The following KAZN variants were observed in gnomAD, a reference collection of about 807,000 sequenced individuals.
KAZN encodes the protein kazrin, periplakin interacting protein, also known as kazrin.
Under a neutral mutation model 87.4 loss-of-function variants are expected in KAZN, and 40 were observed. The observed-to-expected ratio is 0.46, with a 90% CI of 0.36 to 0.60. The LOEUF (loss-of-function observed/expected upper bound fraction) is 0.60. Ranked by LOEUF, KAZN falls within the 20% of genes least tolerant of loss-of-function variation. The pLI, the probability that KAZN is intolerant of heterozygous loss-of-function variation, is 0.00. For missense variants in KAZN, 898 were observed against 1,073.9 expected, an observed-to-expected ratio of 0.84 and a Z score of 2.29; for synonymous variants, 466 against 458.3, an observed-to-expected ratio of 1.02 and a Z score of -0.22.
In KAZN at chr1:14,615,962, T is replaced by G. The variant is rs568024096; in HGVS notation, c.226+16739T>G. On this transcript the variant is annotated intron_variant, in intron 1 of 14. Transcript: ENST00000376030. ...TTGGGGAGTGTGGTCTCACCTGGCTTGAGCAGAGGTGATGTCAGCCTCCCA... is the reference window on the plus strand; with the variant it reads ...TTGGGGAGTGTGGTCTCACCTGGCTGGAGCAGAGGTGATGTCAGCCTCCCA... 2.0e-5 allele frequency among the ~76,000 whole-genome samples: 3 copies of G among 152,342 alleles called. No individual in the cohort carries two copies. In the East Asian group the frequency reaches 5.8e-4, roughly 29 times the overall value.
chr1:14,285,549 G>T (rs1653179700), intron 2 of KAZN, among the ~76,000 whole-genome samples: 1 of 152,186 alleles, frequency 6.6e-6, no homozygotes. Flanking sequence ...TGCAACAGTT[G>T]TGTATTTCCT....
In KAZN at chr1:14,237,823, A is replaced by G. The variant is rs1648566860; in HGVS notation, c.249+57231A>G. Among the ~76,000 whole-genome samples the G allele has an allele frequency of 2.6e-5, 4 of 152,236 alleles. No homozygotes were observed. The South Asian group carries it at 8.3e-4, about 32-fold the overall frequency. ...TCATGACAGTAAGAACAGAAACGAC[A>G]AGGTCCAAGAAGCCCACATGGGAAT... On this transcript the variant is annotated intron_variant, in intron 2 of 16. Coordinates refer to the KAZN transcript ENST00000636203.
At chr1:14,860,273 C>A (rs1419124450) in intron 1 of KAZN, among the ~76,000 whole-genome samples, 3 of 152,054 alleles carry the variant, frequency 2.0e-5, no homozygotes, top group Non-Finnish European at 4.4e-5. Flanking sequence ...TTCACTGCAA[C>A]CTCCACCTCC....
chr1:14,418,594 T>TAGA (rs1665038345), intron 2 of KAZN, among the ~76,000 whole-genome samples: 1 of 152,210 alleles, frequency 6.6e-6, no homozygotes, highest in East Asian at 1.9e-4. Context: ...TGAGTTTGCC[T>TAGA]CTAGATAGCA....
rs559441629 is a variant in KAZN at position 14,981,251 on chromosome 1, T to C, written c.418+20376T>C. Reference sequence around the variant, plus strand: ...CTTAGTGGGGTTTCTCGCTTTTTGCTGTCTCTGTTCCTAAAACGGATTTTT... The same window carrying C: ...CTTAGTGGGGTTTCTCGCTTTTTGCCGTCTCTGTTCCTAAAACGGATTTTT... On this transcript the variant is annotated intron_variant, in intron 2 of 14. Transcript: ENST00000376030. 1.5e-3 allele frequency among the ~76,000 whole-genome samples: 222 copies of C among 152,374 alleles called. 1 individual carries two copies. Among genetic ancestry groups the C allele is most frequent in the African/African-American group, 5.2e-3 (217 of 41,596 alleles).
chr1:14,049,209 G>T (rs964837756), intron 1 of KAZN, among the ~76,000 whole-genome samples: 9 of 151,928 alleles, frequency 5.9e-5, no homozygotes, highest in Non-Finnish European at 7.4e-5. Context: ...GCAAACTATT[G>T]CAAGGACAAA....
intron 2 of KAZN, among the ~76,000 whole-genome samples, chr1:14,410,106 T>C (rs1247489196): frequency 6.6e-6 from 1 of 152,144 alleles, no homozygotes; most frequent in Non-Finnish European, 1.5e-5. Flanking sequence ...AAAAGTCCAA[T>C]TTATTTATTT....
intron 2 of KAZN, among the ~76,000 whole-genome samples, chr1:14,562,016 G>A (rs763040962): frequency 2.6e-5 from 4 of 152,102 alleles, no homozygotes; most frequent in African/African-American, 7.2e-5. Flanking sequence ...TGGGAGACCC[G>A]TTTGCCTCCC....
At chr1:14,669,174 C>T (rs993134060) in intron 1 of KAZN, among the ~76,000 whole-genome samples, 1 of 152,192 alleles carries the variant, frequency 6.6e-6, no homozygotes, top group African/African-American at 2.4e-5. Context: ...TCCACCCCAA[C>T]TTGGGAAGCC....
At chr1:14,334,976 T>C (rs1235979755) in intron 2 of KAZN, among the ~76,000 whole-genome samples, 4 of 151,984 alleles carry the variant, frequency 2.6e-5, no homozygotes, top group Non-Finnish European at 5.9e-5. Flanking sequence ...CAGATAGATA[T>C]AGGCAGACAC....
chr1:14,142,986 T>C (rs560279360), intron 1 of KAZN, among the ~76,000 whole-genome samples: 10 of 152,130 alleles, frequency 6.6e-5, no homozygotes, highest in East Asian at 1.9e-4. Flanking sequence ...ACCTGTCTAA[T>C]TGAGGCCAGC....
chr1:14,239,777 T>G (rs768110338), intron 2 of KAZN, among the ~76,000 whole-genome samples: 1 of 152,114 alleles, frequency 6.6e-6, no homozygotes. Flanking sequence ...GTTCTATAGA[T>G]CATTCATTTT....
At chr1:14,512,313 G>A (rs1670948408) in intron 2 of KAZN, among the ~76,000 whole-genome samples, 1 of 152,146 alleles carries the variant, frequency 6.6e-6, no homozygotes, top group African/African-American at 2.4e-5. Flanking sequence ...TTTGGGGCTG[G>A]ATCATTCTTT....
intron 2 of KAZN, among the ~76,000 whole-genome samples, chr1:14,484,921 T>C (rs1010640428): frequency 6.6e-6 from 1 of 152,188 alleles, no homozygotes; most frequent in Non-Finnish European, 1.5e-5. Context: ...TCTGCTCTCA[T>C]AGCCTCGGCC....
chr1:14,058,128 C>G (rs370143476), intron 1 of KAZN, among the ~76,000 whole-genome samples: 2 of 152,256 alleles, frequency 1.3e-5, no homozygotes, highest in East Asian at 3.9e-4. Flanking sequence ...ATATGCCCCA[C>G]CTGTGTCTTA....
intron 2 of KAZN, among the ~76,000 whole-genome samples, chr1:14,430,212 CCAA>C (rs1392238372): frequency 4.3e-4 from 53 of 124,010 alleles, no homozygotes; most frequent in African/African-American, 1.5e-3. Context: ...TGCCCTGCAA[CCAA>C]AAAAAAAAAA....
chr1:14,431,873 C>T (rs1287673128), intron 2 of KAZN, among the ~76,000 whole-genome samples: 1 of 152,202 alleles, frequency 6.6e-6, no homozygotes, highest in Non-Finnish European at 1.5e-5. Flanking sequence ...TGAGACACTA[C>T]TGCCTTGTCT....
chr1:15,013,959 T>G (rs2102105044), intron 2 of KAZN, among the ~76,000 whole-genome samples: 1 of 152,174 alleles, frequency 6.6e-6, no homozygotes, highest in African/African-American at 2.4e-5. Flanking sequence ...GTTCGGAAAT[T>G]CTTTGCTTGC....
chr1:15,060,947 T>G (rs2839856), intron 6 of KAZN: 18,071 of 152,204 alleles, frequency 0.12, 1,791 homozygotes, highest in East Asian at 0.59. Flanking sequence ...ACATGAAATA[T>G]TGGGGTCTGG....
Sources: gnomAD v4.1 joint callset for allele counts (sites outside exome capture counted in the v4.1 genomes callset) on GRCh38, gnomAD v4.1.1 for gene constraint, MANE v1.5 for transcripts, NCBI Gene and HGNC (gene_info 2026-07-23, HGNC 2026-07-21) for gene names.